The following PPP1R13B variants were observed in gnomAD, a reference collection of about 807,000 sequenced individuals.
PPP1R13B encodes protein phosphatase 1 regulatory subunit 13B.
A neutral mutation model predicts 119.8 loss-of-function variants in PPP1R13B; 44 were observed. The ratio of observed to expected loss-of-function variants is 0.37; its 90% CI spans 0.29 to 0.47. The LOEUF is 0.47. Among genes scored for constraint, PPP1R13B ranks in the 20% least tolerant of loss-of-function variants. The pLI is 0.99. For missense variants in PPP1R13B, 1,227 were observed against 1,413.5 expected, an observed-to-expected ratio of 0.87 and a Z score of 2.12; for synonymous variants, 542 against 561.5, an observed-to-expected ratio of 0.97 and a Z score of 0.49.
intron 1 of PPP1R13B, among the ~76,000 whole-genome samples, chr14:103,818,117 G>A (rs529831783): frequency 2.6e-5 from 4 of 152,210 alleles, no homozygotes; most frequent in East Asian, 3.9e-4. Flanking sequence ...GATATTCATC[G>A]TAAAATCCAA....
intron 1 of PPP1R13B, among the ~76,000 whole-genome samples, chr14:103,823,304 A>G (rs2086456295): frequency 6.6e-6 from 1 of 151,770 alleles, no homozygotes; most frequent in South Asian, 2.1e-4. Context: ...GCGCCACTGC[A>G]CTTCAGCCTG....
At chr14:103,806,410 A>G (rs1171447901) in intron 1 of PPP1R13B, among the ~76,000 whole-genome samples, 4 of 152,208 alleles carry the variant, frequency 2.6e-5, no homozygotes, top group Non-Finnish European at 5.9e-5. Context: ...TAAAAGCTAT[A>G]CTAAATTTTA....
intron 1 of PPP1R13B, among the ~76,000 whole-genome samples, chr14:103,825,988 G>A (rs1391694183): frequency 6.6e-6 from 1 of 151,846 alleles, no homozygotes; most frequent in African/African-American, 2.4e-5. Context: ...GAAATTACAG[G>A]TGCCCACCAC....
chr14:103,762,173 A>T (rs919360889), intron 4 of PPP1R13B, among the ~76,000 whole-genome samples: 1 of 152,228 alleles, frequency 6.6e-6, no homozygotes, highest in Non-Finnish European at 1.5e-5. Flanking sequence ...GAGAAGAGAG[A>T]GAACATGTAT....
Position 103,733,799 on chromosome 14 carries a change from G to A in PPP1R13B, c.*1355C>T, listed in dbSNP as rs2084014194. 6.6e-6 allele frequency: 1 copy of A among 152,322 alleles called. No individual in the cohort carries two copies. The highest frequency in any genetic ancestry group is 1.5e-5 in the Non-Finnish European group (1 of 68,134). The allele number at this position is 152,322 out of a possible 1,614,324, so 9.4% of individuals were successfully genotyped here. ...TGCACATTTACACAGCGTCAGCAGC[G>A]TCTGGGCTGGCAGCGGCCATGCTCC... On this transcript the variant is annotated 3_prime_UTR_variant, in exon 17 of 17. Coordinates refer to ENST00000202556, the MANE Select transcript of PPP1R13B (RefSeq NM_015316.3).
At chr14:103,829,105 CAG>C (rs1222015947) in intron 1 of PPP1R13B, among the ~76,000 whole-genome samples, 1 of 152,134 alleles carries the variant, frequency 6.6e-6, no homozygotes, top group South Asian at 2.1e-4. Flanking sequence ...TAAAGTGTTT[CAG>C]AGAGAAAGAG....
intron 1 of PPP1R13B, among the ~76,000 whole-genome samples, chr14:103,844,684 A>G (rs1423522051): frequency 2.0e-5 from 3 of 151,748 alleles, no homozygotes; most frequent in Non-Finnish European, 2.9e-5. Flanking sequence ...AGTCAAGATC[A>G]TGTTGCACTC....
chr14:103,799,511 C>A (rs540516268), intron 1 of PPP1R13B, among the ~76,000 whole-genome samples: 2 of 152,026 alleles, frequency 1.3e-5, no homozygotes, highest in Non-Finnish European at 2.9e-5. Context: ...CAGGGTTTCG[C>A]CACATTGACC....
intron 1 of PPP1R13B, among the ~76,000 whole-genome samples, chr14:103,821,471 A>G (rs1048757050): frequency 6.6e-6 from 1 of 152,140 alleles, no homozygotes; most frequent in African/African-American, 2.4e-5. Context: ...ACAGAGGAGC[A>G]CTGGGCACAG....
At position 103,847,376 on chromosome 14, in the gene PPP1R13B, G is replaced by C; in HGVS notation, c.-69C>G. The C allele has an allele frequency of 2.7e-6, 3 of 1,095,308 alleles. No homozygotes were observed. The highest frequency in any genetic ancestry group is 3.3e-6 in the Non-Finnish European group (3 of 898,724). The allele number at this position is 1,095,308 out of a possible 1,614,324, so 67.8% of individuals were successfully genotyped here. A position where few individuals can be genotyped will look rare whatever the true frequency, so the allele number is the denominator to read the frequency against. On this transcript the variant is annotated 5_prime_UTR_variant, in exon 1 of 17. Transcript: ENST00000202556. ...CGCTCCGCGCCGAGCTGTGCCCACC[G>C]CTCCGGCCGCCTCCTAAGGCCGCGC...
intron 7 of PPP1R13B, 82 bp downstream of exon 7, chr14:103,752,918 T>C: frequency 6.9e-7 from 1 of 1,441,852 alleles, no homozygotes; most frequent in Non-Finnish European, 9.5e-7. Context: ...TGTTTCCACT[T>C]CCTAAGGTTT....
At position 103,806,056 on chromosome 14, in the gene PPP1R13B, T is replaced by C. The variant is rs545099685; in HGVS notation, c.10-8538A>G. On this transcript the variant is annotated intron_variant, in intron 1 of 16. Transcript: ENST00000202556. ...ACACAATGAAGCTGTTTTTAAAAAG[T>C]AGGATATATAAAACTTCTAGAAAAG... is the stretch of plus-strand genomic sequence containing the variant. Among the ~76,000 whole-genome samples, 3 of 152,280 alleles carry C rather than the reference T, an allele frequency of 2.0e-5. No individual in the cohort carries two copies. In the East Asian group the frequency reaches 5.8e-4, roughly 29 times the overall value.
chr14:103,815,422 A>T (rs557324814), intron 1 of PPP1R13B, among the ~76,000 whole-genome samples: 1 of 152,308 alleles, frequency 6.6e-6, no homozygotes, highest in East Asian at 1.9e-4. Flanking sequence ...AATGAATGTT[A>T]TTGTATGTGA....
At chr14:103,792,481 T>C (rs1242107982) in intron 2 of PPP1R13B, among the ~76,000 whole-genome samples, 1 of 152,164 alleles carries the variant, frequency 6.6e-6, no homozygotes, top group African/African-American at 2.4e-5. Flanking sequence ...GGCAAAATTT[T>C]GAGAAGATTA....
intron 9 of PPP1R13B, 119 bp downstream of exon 9, chr14:103,746,249 AGCCTG>A: frequency 9.6e-7 from 1 of 1,039,984 alleles, no homozygotes; most frequent in Non-Finnish European, 1.4e-6. Context: ...GGGGAGACTG[AGCCTG>A]GAGTCTGACG....
Position 103,742,630 on chromosome 14 carries a change from T to A in PPP1R13B, c.1320+24A>T. On this transcript the variant is annotated intron_variant, in intron 10 of 16. Transcript: ENST00000202556. The surrounding 1 kb of genome is among the most constrained non-coding windows in gnomAD (Gnocchi z 4.9). The stretch of plus-strand genomic sequence containing the variant: ...GCCCTGTTGAAGAGCCCGCTTGTGT[T>A]CTGTGGTAAAGACACAGGCCTACCG... 1 of 1,609,690 alleles carries A rather than the reference T, an allele frequency of 6.2e-7. No individual in the cohort carries two copies. Among genetic ancestry groups the A allele is most frequent in the Admixed American group, 1.7e-5 (1 of 59,220 alleles).
chr14:103,766,077 C>T (rs368274287), intron 4 of PPP1R13B, among the ~76,000 whole-genome samples: 2 of 151,378 alleles, frequency 1.3e-5, no homozygotes, highest in Non-Finnish European at 2.9e-5. Context: ...GGCGCCATCT[C>T]GGCTCACTGC....
chr14:103,741,884 T>A lies in PPP1R13B; in HGVS notation c.1728A>T (p.Ser576=). The change falls in exon 11 of 17, where the codon TCA becomes TCT. Residue 576 remains serine (S), a synonymous_variant. Transcript: ENST00000202556. ...SPRKGPQTVN[S]SSIYSMYLQQ... ...GGAGGTACATGGAGTATATGGAACT[T>A]GAATTCACTGTCTGGGGTCCTTTCC... 6.2e-7 allele frequency: 1 copy of A among 1,614,208 alleles called. No homozygotes were observed. Among genetic ancestry groups the A allele is most frequent in the Non-Finnish European group, 8.5e-7 (1 of 1,180,034 alleles).
intron 8 of PPP1R13B, among the ~76,000 whole-genome samples, chr14:103,747,977 C>T (rs1288853098): frequency 6.6e-6 from 1 of 151,976 alleles, no homozygotes; most frequent in Non-Finnish European, 1.5e-5. Context: ...GCTGCAACAT[C>T]CTCCCTGGGC....
Sources: gnomAD v4.1 joint callset for allele counts (sites outside exome capture counted in the v4.1 genomes callset) on GRCh38, gnomAD v4.1.1 for gene constraint, Gnocchi (gnomAD v3.1) non-coding constraint, MANE v1.5 for transcripts, NCBI Gene and HGNC (gene_info 2026-07-23, HGNC 2026-07-21) for gene names.